The following VWF variants were observed in gnomAD, a reference collection of about 807,000 sequenced individuals.
VWF encodes von Willebrand factor, also known as Factor VIII related antigen.
Under a neutral mutation model 308.6 loss-of-function variants are expected in VWF, and 176 were observed. The ratio of observed to expected loss-of-function variants is 0.57; its 90% CI spans 0.50 to 0.65. The LOEUF (loss-of-function observed/expected upper bound fraction) is 0.65. VWF is among the 30% of genes least tolerant of loss of function. VWF has a pLI of 0.00. For missense variants in VWF, 3,146 were observed against 3,648.2 expected (o/e 0.86, Z 3.55); for synonymous variants, 1,385 against 1,443.4 (o/e 0.96, Z 0.92).
chr12:5,982,029 A>G (rs771516630), intron 41 of VWF, 38 bp from the exon 42 acceptor site: 2 of 1,597,852 alleles, frequency 1.3e-6, no homozygotes, highest in South Asian at 2.2e-5. Flanking sequence ...CACTGCGCCC[A>G]GCCAGGGCTC....
chr12:5,952,192 T>G (rs1451742456), intron 49 of VWF, 199 bp downstream of exon 49: 2 of 796,464 alleles, frequency 2.5e-6, no homozygotes, highest in South Asian at 1.7e-5. Context: ...AAGGAAAATA[T>G]TTTTTTAAAA....
rs147514785 is a variant in VWF, at chr12:6,110,885, C to T, written c.304G>A (p.Val102Met). 321 of 1,614,052 alleles carry T rather than the reference C, an allele frequency of 2.0e-4. No homozygotes were observed. In the African/African-American group the frequency reaches 3.9e-3, roughly 20 times the overall value. ...GCTTACCTTTGGTCCCCCTGTGTCA[C>T]GGTACCATTGACAAACAAATGGATG... ...FDIHLFVNGT[V>M]TQGDQRVSMP... Residue 102 changes from valine (V) to methionine (M), a missense_variant, in exon 4 of 52, where the codon GTG becomes ATG. Physicochemically the swap from Val to Met is conservative, Grantham distance 21. Coordinates refer to ENST00000261405, the MANE Select transcript of VWF (RefSeq NM_000552.5).
chr12:6,038,989 G>A (rs998086194), intron 18 of VWF, among the ~76,000 whole-genome samples: 4 of 152,208 alleles, frequency 2.6e-5, no homozygotes, highest in African/African-American at 9.6e-5. Context: ...GATAGGCCTG[G>A]AAATAAAGGG....
chr12:5,983,135 CCA>C lies in VWF; in HGVS notation c.7081+13_7081+14del, dbSNP rs777961563. On this transcript the variant is annotated intron_variant, in intron 41 of 51. Transcript: ENST00000261405. Reference sequence around the variant, plus strand: ...GAGAGGCCACACCACCCCTCCTCATCCACAGAGGCCTTACCGCAGGTGAAGTT... The same window carrying C: ...GAGAGGCCACACCACCCCTCCTCATCCAGAGGCCTTACCGCAGGTGAAGTT... 14 of 1,612,010 alleles carry C rather than the reference CCA, an allele frequency of 8.7e-6. No individual in the cohort carries two copies. The African/African-American group carries it at 1.7e-4, about 20-fold the overall frequency.
chr12:5,988,751 G>A (rs1324830891), intron 38 of VWF, among the ~76,000 whole-genome samples: 1 of 152,180 alleles, frequency 6.6e-6, no homozygotes, highest in East Asian at 1.9e-4. Context: ...CAACGCGGCC[G>A]GCAGATGGCA....
At chr12:6,032,422 G>T (rs28630679) in intron 20 of VWF, among the ~76,000 whole-genome samples, 32,183 of 144,528 alleles carry the variant, frequency 0.22, 4,124 homozygotes, top group Non-Finnish European at 0.25. Flanking sequence ...GGCGGATCAC[G>T]AGGTCAGGAG....
intron 33 of VWF, 59 bp from the exon 34 acceptor site, chr12:6,011,853 C>T (rs1943998898): frequency 6.2e-6 from 9 of 1,457,394 alleles, no homozygotes; most frequent in East Asian, 2.3e-5. Flanking sequence ...CAACTCTAAG[C>T]CCATCTGCCA....
intron 8 of VWF, among the ~76,000 whole-genome samples, chr12:6,072,694 G>A (rs1490224712): frequency 1.3e-5 from 2 of 152,132 alleles, no homozygotes; most frequent in African/African-American, 4.8e-5. Flanking sequence ...TCTGGGCTTA[G>A]GGCTTCTTCC....
intron 51 of VWF, 44 bp downstream of exon 51, chr12:5,949,742 G>A: frequency 1.3e-6 from 2 of 1,584,608 alleles, no homozygotes; most frequent in Non-Finnish European, 1.7e-6. Context: ...GAACACGGAG[G>A]CTCAGCCCTC....
At chr12:5,964,270 A>G (rs138913069) in intron 47 of VWF, among the ~76,000 whole-genome samples, 516 of 139,072 alleles carry the variant, frequency 3.7e-3, no homozygotes, top group African/African-American at 0.013. Flanking sequence ...ATACATACAT[A>G]CATGCATACA....
chr12:6,098,611 T>C (rs759113659), intron 5 of VWF, among the ~76,000 whole-genome samples: 74 of 152,100 alleles, frequency 4.9e-4, no homozygotes, highest in Non-Finnish European at 8.4e-4. Context: ...ACCCCATCTC[T>C]ACTAAAAATA....
In VWF at chr12:6,056,897, C is replaced by T. The variant is rs1386179257; in HGVS notation, c.1905G>A (p.Gly635=). 1.3e-6 allele frequency: 2 copies of T among 1,521,756 alleles called. No homozygotes were observed. The highest frequency in any genetic ancestry group is 2.8e-5 in the African/African-American group (2 of 71,034). The allele number at this position is 1,521,756 out of a possible 1,614,324, so 94.3% of individuals were successfully genotyped here. A position where few individuals can be genotyped will look rare whatever the true frequency, so the allele number is the denominator to read the frequency against. ...CGCGCCACGCGACGCGCACGCCTCT[C>T]CCCGCGCAGGCCGCGGCATAGCTGG... is the stretch of plus-strand genomic sequence containing the variant. The part of the protein sequence containing the change: ...ALASYAAACA[G]RGVRVAWREP... Residue 635 remains glycine, a synonymous_variant, in exon 15 of 52, where the codon GGG becomes GGA. Transcript: ENST00000261405.
chr12:6,010,219 T>A (rs80025906), intron 34 of VWF, among the ~76,000 whole-genome samples: 4,710 of 152,180 alleles, frequency 0.031, 232 homozygotes, highest in African/African-American at 0.11. Context: ...AAACATATGA[T>A]AAAATGTTTA....
At position 6,013,551 on chromosome 12, in the gene VWF, C is replaced by G; in HGVS notation, c.5550G>C (p.Lys1850Asn). The G allele has an allele frequency of 6.2e-7, 1 of 1,614,080 alleles. No homozygotes were observed. The highest frequency in any genetic ancestry group is 2.2e-5 in the East Asian group (1 of 44,878). ...TAGGGAGGTCTTCGATTCGCTGGAG[C>G]TTCACCACGTTGGAGTCGCCTGCTG... ...AGPAGDSNVV[K>N]LQRIEDLPTM... The change falls in exon 32 of 52, where the codon AAG becomes AAC. Residue 1850 changes from lysine (K) to asparagine (N), a missense_variant. Transcript: ENST00000261405.
At chr12:6,078,538 C>G (rs1325998965) in intron 6 of VWF, among the ~76,000 whole-genome samples, 1 of 152,184 alleles carries the variant, frequency 6.6e-6, no homozygotes, top group East Asian at 1.9e-4. Flanking sequence ...TATTGTCTAG[C>G]CTTTTCCCCA....
In VWF at chr12:6,075,338, A is replaced by C. The variant is rs1466559078; in HGVS notation, c.871T>G (p.Cys291Gly). 3 of 1,613,852 alleles carry C rather than the reference A, an allele frequency of 1.9e-6. No homozygotes were observed. Among genetic ancestry groups the C allele is most frequent in the Admixed American group, 1.7e-5 (1 of 60,000 alleles). ...ACGGGGCAGGGGGCCGACTTACTGC[A>C]CGCGCTGTGGTCGGTCCAGCCGTAC... ...VLYGWTDHSACSPVCPAGMEY... is the reference protein window; with the variant it reads ...VLYGWTDHSAGSPVCPAGMEY... Residue 291 changes from cysteine (C) to glycine (G), a missense_variant, in exon 7 of 52, where the codon TGC (cysteine) becomes GGC (glycine). Physicochemically the swap from Cys to Gly is radical, Grantham distance 159. Coordinates refer to ENST00000261405, the MANE Select transcript of VWF (RefSeq NM_000552.5). The surrounding 1 kb of genome is among the most constrained non-coding windows in gnomAD (Gnocchi z 4.7).
intron 47 of VWF, among the ~76,000 whole-genome samples, chr12:5,957,531 G>T (rs961980972): frequency 6.6e-6 from 1 of 151,934 alleles, no homozygotes; most frequent in African/African-American, 2.4e-5. Flanking sequence ...TAGAAGGGGG[G>T]AAATGCATAC....
intron 43 of VWF, among the ~76,000 whole-genome samples, chr12:5,973,727 G>A (rs1177842975): frequency 6.6e-6 from 1 of 152,178 alleles, no homozygotes; most frequent in Non-Finnish European, 1.5e-5. Flanking sequence ...TTCTTCCTGA[G>A]GAGTATCACA....
At position 5,962,051 on chromosome 12, in the gene VWF, A is replaced by G. The variant is rs181836404; in HGVS notation, c.7887+5435T>C. 1.9e-3 allele frequency among the ~76,000 whole-genome samples: 294 copies of G among 152,256 alleles called. 1 individual carries two copies. The highest frequency in any genetic ancestry group is 0.011 in the South Asian group (54 of 4,812). ...TGGATGCCATGAGAAAGCACTGCCTATGAGGAACAGGCCATCATCAGACAT... is the reference window on the plus strand; with the variant it reads ...TGGATGCCATGAGAAAGCACTGCCTGTGAGGAACAGGCCATCATCAGACAT... On this transcript the variant is annotated intron_variant, in intron 47 of 51. Transcript: ENST00000261405.
Sources: allele counts gnomAD v4.1 joint callset (sites outside exome capture counted in the v4.1 genomes callset), GRCh38; gene constraint gnomAD v4.1.1; non-coding constraint Gnocchi (gnomAD v3.1); transcripts MANE v1.5; gene names NCBI Gene and HGNC (gene_info 2026-07-23, HGNC 2026-07-21).